CORO7: variants seen among roughly 807,000 people sequenced by gnomAD.
CORO7 encodes the protein coronin-7.
A neutral mutation model predicts 126.6 loss-of-function variants in CORO7; 107 were observed. The ratio of observed to expected loss-of-function variants is 0.85; its 90% CI spans 0.72 to 0.99. CORO7 has a LOEUF of 0.99. CORO7 is among the 50% of genes least tolerant of loss of function. CORO7 has a pLI of 0.00. For synonymous variants in CORO7, 603 were observed against 536.8 expected (o/e 1.12, Z -1.70); for missense variants, 1,314 against 1,255.8 (o/e 1.05, Z -0.70).
intron 9 of CORO7, chr16:4,382,683 G>C: frequency 6.5e-7 from 1 of 1,546,564 alleles, no homozygotes; most frequent in Non-Finnish European, 8.7e-7. Context: ...TGCGGCGGGG[G>C]CGGGCCATGG....
intron 9 of CORO7, among the ~76,000 whole-genome samples, chr16:4,373,791 C>T (rs2054618088): frequency 6.6e-6 from 1 of 152,140 alleles, no homozygotes. Context: ...CTGCTGAGCC[C>T]AGGAGGGAGC....
chr16:4,372,554 G>A (rs544518160), intron 9 of CORO7, among the ~76,000 whole-genome samples: 1 of 152,318 alleles, frequency 6.6e-6, no homozygotes, highest in Admixed American at 6.5e-5. Flanking sequence ...ACTGGCCAGG[G>A]CCCTTAGAGC....
intron 8 of CORO7, 45 bp downstream of exon 8, chr16:4,388,500 G>A (rs1272669192): frequency 1.7e-5 from 27 of 1,587,516 alleles, no homozygotes; most frequent in Non-Finnish European, 2.1e-5. Flanking sequence ...GGCTGGACAT[G>A]TCCCCACCTG....
At chr16:4,388,682 G>A (rs769222908) in intron 7 of CORO7, 51 bp from the exon 8 acceptor site, 18 of 1,562,054 alleles carry the variant, frequency 1.2e-5, no homozygotes, top group East Asian at 9.2e-5. Flanking sequence ...GCTGGTGGGC[G>A]GGGCCCCCTG....
chr16:4,405,693 G>C, intron 5 of CORO7, 126 bp from the exon 6 acceptor site: 1 of 1,140,432 alleles, frequency 8.8e-7, no homozygotes, highest in Non-Finnish European at 1.2e-6. Context: ...TTTCAGCCAA[G>C]GGGGCAAGGG....
chr16:4,394,342 G>A (rs761362070), intron 7 of CORO7, among the ~76,000 whole-genome samples: 69 of 151,766 alleles, frequency 4.5e-4, no homozygotes, highest in Non-Finnish European at 8.0e-4. Context: ...CCAGCTACTC[G>A]GGAGGCTGAG....
At chr16:4,356,215 A>C (rs946022347) in intron 26 of CORO7, among the ~76,000 whole-genome samples, 5 of 151,226 alleles carry the variant, frequency 3.3e-5, no homozygotes, top group Non-Finnish European at 1.5e-5. Flanking sequence ...GGCCTCCCAA[A>C]GTGCTGGGAT....
At chr16:4,387,229 G>A (rs1351494005) in intron 9 of CORO7, among the ~76,000 whole-genome samples, 1 of 152,082 alleles carries the variant, frequency 6.6e-6, no homozygotes, top group Admixed American at 6.5e-5. Flanking sequence ...CTGAACAGAT[G>A]AGTCACTCAT....
rs879605051 is a variant in CORO7 at position 4,412,267 on chromosome 16, G to A, written c.232+89C>T. The A allele has an allele frequency of 1.5e-4, 214 of 1,434,998 alleles. No individual in the cohort carries two copies. In the African/African-American group the frequency reaches 2.4e-3, roughly 16 times the overall value. 88.9% of individuals were successfully genotyped at this position (1,434,998 alleles called of 1,614,324 possible). ...ACAGGAGGGACCTGGCAAGCCATGC[G>A]GCAGTGGGACCAGGTGAGGATGAAT... On this transcript the variant is annotated intron_variant, in intron 3 of 27. Transcript: ENST00000251166.
rs758422020 is a variant in CORO7 at position 4,362,578 on chromosome 16, C to A, written c.1402+34G>T. The A allele has an allele frequency of 4.6e-6, 7 of 1,520,308 alleles. No individual in the cohort carries two copies. Among genetic ancestry groups the A allele is most frequent in the South Asian group, 1.3e-5 (1 of 76,872 alleles). The allele number at this position is 1,520,308 out of a possible 1,614,324, so 94.2% of individuals were successfully genotyped here. ...GGGAGTGGGGCAGACAGGGCTCCTG[C>A]GGTAGGGGTGAGCTCCCCGTCCTGC... On this transcript the variant is annotated intron_variant, in intron 15 of 27. Coordinates refer to ENST00000251166, the MANE Select transcript of CORO7 (RefSeq NM_024535.5). The surrounding 1 kb of genome is among the most constrained non-coding windows in gnomAD (Gnocchi z 5.3).
chr16:4,385,827 GCCT>G (rs1567279378), intron 9 of CORO7, among the ~76,000 whole-genome samples: 1 of 152,220 alleles, frequency 6.6e-6, no homozygotes, highest in East Asian at 1.9e-4. Context: ...ACGAACCCTG[GCCT>G]CCTCTAGCTC....
Position 4,357,703 on chromosome 16 carries a change from TC to T in CORO7, c.2593+264del, listed in dbSNP as rs1385660114. On this transcript the variant is annotated intron_variant, in intron 25 of 27. Coordinates refer to ENST00000251166, the MANE Select transcript of CORO7 (RefSeq NM_024535.5). Reference sequence around the variant, plus strand: ...CAGATCTAAGAGGTGGTATTAACAGTCAATGGAGCCTCACTGTATAAGCCCT... The same window carrying T: ...CAGATCTAAGAGGTGGTATTAACAGTAATGGAGCCTCACTGTATAAGCCCT... The T allele has an allele frequency of 1.1e-5, 6 of 522,008 alleles. No homozygotes were observed. The African/African-American group carries it at 1.2e-4, about 10-fold the overall frequency. The allele number at this position is 522,008 out of a possible 1,614,324, so 32.3% of individuals were successfully genotyped here.
In CORO7 at chr16:4,395,301, C is replaced by G. The variant is rs575939299; in HGVS notation, c.603G>C (p.Pro201=). The G allele has an allele frequency of 1.9e-6, 3 of 1,614,068 alleles. No individual in the cohort carries two copies. The African/African-American group carries it at 4.0e-5, about 22-fold the overall frequency. The change falls in exon 7 of 28, where the codon CCG becomes CCC. Residue 201 remains proline (P), a synonymous_variant. Coordinates refer to ENST00000251166, the MANE Select transcript of CORO7 (RefSeq NM_024535.5). ...QLRIFDPRTK[P]RASQSTQAHE... is the part of the protein sequence containing the mutation. ...CCACACAACTCACCTGAGAGGCCCG[C>G]GGCTTTGTTCTGGGGTCAAAGATCC...
At chr16:4,370,597 C>A (rs570034098) in intron 9 of CORO7, among the ~76,000 whole-genome samples, 1 of 152,224 alleles carries the variant, frequency 6.6e-6, no homozygotes, top group Non-Finnish European at 1.5e-5. Flanking sequence ...GACCGAGAAA[C>A]GTATGGGTTG....
chr16:4,355,201 G>C (rs1567238149), intron 27 of CORO7, 38 bp from the exon 28 acceptor site: 1 of 1,576,240 alleles, frequency 6.3e-7, no homozygotes, highest in Non-Finnish European at 8.6e-7. Context: ...GGAGTCAGGA[G>C]GGCCTGGGAA....
At chr16:4,389,121 C>G (rs2141267324) in intron 7 of CORO7, among the ~76,000 whole-genome samples, 1 of 152,322 alleles carries the variant, frequency 6.6e-6, no homozygotes, top group Middle Eastern at 3.4e-3. Context: ...TGGCAAAGCA[C>G]CGTGTAAACT....
chr16:4,364,548 T>A, intron 13 of CORO7, 49 bp downstream of exon 13: 2 of 1,530,786 alleles, frequency 1.3e-6, no homozygotes, highest in Non-Finnish European at 1.8e-6. Flanking sequence ...CACACGGGGC[T>A]ACCAGGGACT....
rs1189443549 is a variant in CORO7 at position 4,357,985 on chromosome 16, G to T, written c.2576C>A (p.Pro859His). 1 of 1,608,476 alleles carries T rather than the reference G, an allele frequency of 6.2e-7. No homozygotes were observed. Among genetic ancestry groups the T allele is most frequent in the East Asian group, 2.2e-5 (1 of 44,688 alleles). Residue 859 changes from proline to histidine, a missense_variant, in exon 25 of 28, where the codon CCT becomes CAT. Coordinates refer to ENST00000251166, the MANE Select transcript of CORO7 (RefSeq NM_024535.5). ...NGQPWLLSLQPPDMSPVSQAP... is the reference protein window; with the variant it reads ...NGQPWLLSLQHPDMSPVSQAP... ...CGGTGCACCTGGGCTCATGTCAGGA[G>T]GCTGCAGGCTGAGAAGCCAGGGCTG...
chr16:4,411,530 C>T (rs540968120), intron 3 of CORO7, among the ~76,000 whole-genome samples: 2 of 152,164 alleles, frequency 1.3e-5, no homozygotes, highest in East Asian at 1.9e-4. Flanking sequence ...AGCAAGACCT[C>T]GTCTCTATAT....
Sources: gnomAD v4.1 joint callset for allele counts (sites outside exome capture counted in the v4.1 genomes callset) on GRCh38, gnomAD v4.1.1 for gene constraint, Gnocchi (gnomAD v3.1) non-coding constraint, MANE v1.5 for transcripts, NCBI Gene and HGNC (gene_info 2026-07-23, HGNC 2026-07-21) for gene names.